The following UNC13C variants were observed in gnomAD, a reference collection of about 807,000 sequenced individuals.
UNC13C encodes unc-13 homolog C.
In UNC13C, 174 loss-of-function variants were observed where a neutral mutation model predicts 245.4. That is an observed-to-expected ratio of 0.71 (90% CI 0.63 to 0.80). The LOEUF (loss-of-function observed/expected upper bound fraction) is 0.80. Ranked by LOEUF, UNC13C falls within the 30% of genes least tolerant of loss-of-function variation. The pLI is 0.00. For missense variants in UNC13C, 2,829 were observed against 2,602.9 expected, an observed-to-expected ratio of 1.09 and a Z score of -1.89; for synonymous variants, 992 against 895.1, an observed-to-expected ratio of 1.11 and a Z score of -1.93.
intron 30 of UNC13C, among the ~76,000 whole-genome samples, chr15:54,590,363 T>C (rs1372888950): frequency 6.6e-6 from 1 of 152,224 alleles, no homozygotes; most frequent in Non-Finnish European, 1.5e-5. Flanking sequence ...ATTGTATTTG[T>C]AGATGGCTTT....
Position 54,507,154 on chromosome 15 carries a change from T to C in UNC13C, c.5339T>C (p.Val1780Ala). Residue 1780 changes from valine (V) to alanine (A), a missense_variant, in exon 23 of 33, where the codon GTA becomes GCA. Val to Ala is a moderately conservative substitution (Grantham distance 64). Transcript: ENST00000260323. ...NKVLLQYAAI[V>A]SSDFSSHCDK... ...GTGCTGCTCCAGTATGCTGCAATTG[T>C]ATCAAGTGATTTCAGTTCACATTGT... 1 of 1,599,886 alleles carries C rather than the reference T, an allele frequency of 6.3e-7. No homozygotes were observed.
the UNC13C span, among the ~76,000 whole-genome samples, chr15:53,958,135 A>C: frequency 6.6e-6 from 1 of 152,208 alleles, no homozygotes; most frequent in Admixed American, 6.5e-5. Flanking sequence ...AGAGAGCTGC[A>C]GATAATTTTA....
chr15:54,518,821 G>T (rs1030249346), intron 24 of UNC13C, among the ~76,000 whole-genome samples: 1 of 152,174 alleles, frequency 6.6e-6, no homozygotes, highest in Non-Finnish European at 1.5e-5. Flanking sequence ...GTCAGACAGA[G>T]TAGGTCAGGG....
the UNC13C span, among the ~76,000 whole-genome samples, chr15:53,910,340 A>G: frequency 1.3e-4 from 19 of 146,214 alleles, 1 homozygote; most frequent in East Asian, 3.0e-3. Flanking sequence ...AGGCCTGGGC[A>G]GATACCCAGG....
In UNC13C at chr15:54,048,375, A is replaced by G. The variant is rs114843264; in HGVS notation, c.2983+32489A>G. Among the ~76,000 whole-genome samples, 1,017 of 152,344 alleles carry G rather than the reference A, an allele frequency of 6.7e-3. 14 individuals carry two copies. Among genetic ancestry groups the G allele is most frequent in the African/African-American group, 0.024 (987 of 41,586 alleles). On this transcript the variant is annotated intron_variant, in intron 2 of 32. Transcript: ENST00000260323. ...TCTTTTGACAGTAAGCAACAACCGT[A>G]TCAACATGTGTTTTGTATTTTGCAG...
intron 32 of UNC13C, among the ~76,000 whole-genome samples, chr15:54,624,887 A>AATC (rs1300826227): frequency 6.6e-6 from 1 of 152,104 alleles, no homozygotes; most frequent in East Asian, 1.9e-4. Flanking sequence ...AAATTTGAGT[A>AATC]ATCATGGGAA....
intron 2 of UNC13C, among the ~76,000 whole-genome samples, chr15:54,040,766 A>G (rs923660540): frequency 1.3e-5 from 2 of 152,150 alleles, no homozygotes; most frequent in Non-Finnish European, 2.9e-5. Flanking sequence ...GAATATGCCT[A>G]TGGTACTAAC....
At chr15:54,154,704 G>A (rs2032667149) in intron 4 of UNC13C, among the ~76,000 whole-genome samples, 2 of 152,202 alleles carry the variant, frequency 1.3e-5, no homozygotes, top group South Asian at 4.1e-4. Context: ...GAACCATGCT[G>A]ACAGAGGCTT....
intron 4 of UNC13C, among the ~76,000 whole-genome samples, chr15:54,188,057 A>T (rs2034056481): frequency 6.6e-6 from 1 of 152,034 alleles, no homozygotes; most frequent in Admixed American, 6.6e-5. Context: ...ACCTCAAGTG[A>T]ACCACCCACT....
At chr15:54,331,437 A>G (rs2038433019) in intron 14 of UNC13C, among the ~76,000 whole-genome samples, 1 of 152,066 alleles carries the variant, frequency 6.6e-6, no homozygotes, top group African/African-American at 2.4e-5. Context: ...GAAGCAACAG[A>G]AGTTTTTTGG....
rs542621990 is a variant in UNC13C, at chr15:54,237,418, A to AT, written c.3157-200dup. Reference sequence around the variant, plus strand: ...CTATAAAATGTAGGGGTTGGGTTTGATGAGTTGTGGGATCGTTCCAGTTTT... The same window carrying AT: ...CTATAAAATGTAGGGGTTGGGTTTGATTGAGTTGTGGGATCGTTCCAGTTTT... On this transcript the variant is annotated intron_variant, in intron 6 of 32. Coordinates refer to ENST00000260323, the MANE Select transcript of UNC13C (RefSeq NM_001080534.3). The AT allele has an allele frequency of 2.0e-3, 1,364 of 670,820 alleles. 2 individuals carry two copies. Among genetic ancestry groups the AT allele is most frequent in the Non-Finnish European group, 3.1e-3 (1,150 of 367,630 alleles). The allele number at this position is 670,820 out of a possible 1,614,324, so 41.6% of individuals were successfully genotyped here.
chr15:54,629,034 C>A (rs1299844891), downstream of UNC13C: 1 of 152,136 alleles, frequency 6.6e-6, no homozygotes, highest in Non-Finnish European at 1.5e-5. Flanking sequence ...ATGGAACCAT[C>A]CTAAATGCCC....
In UNC13C at chr15:54,560,876, A is replaced by G. The variant is rs964215371; in HGVS notation, c.5958+5364A>G. 3.3e-5 allele frequency among the ~76,000 whole-genome samples: 5 copies of G among 152,116 alleles called. No individual in the cohort carries two copies. The South Asian group carries it at 1.0e-3, about 32-fold the overall frequency. ...TACATGAGTCATCACATACAAAGCA[A>G]TTAAAGCAGGCATATAGAAAACGCT... On this transcript the variant is annotated intron_variant, in intron 29 of 32. Transcript: ENST00000260323.
At chr15:54,361,418 T>G (rs73417720) in intron 17 of UNC13C, among the ~76,000 whole-genome samples, 13,430 of 152,246 alleles carry the variant, frequency 0.088, 660 homozygotes, top group Admixed American at 0.13. Context: ...GTTTTCTATC[T>G]ATATTTTCTT....
At chr15:54,056,336 G>C (rs961493905) in intron 2 of UNC13C, among the ~76,000 whole-genome samples, 3 of 152,126 alleles carry the variant, frequency 2.0e-5, no homozygotes, top group Non-Finnish European at 2.9e-5. Context: ...TAACCGATGC[G>C]ATCAACTGGA....
chr15:54,202,810 A>T (rs771506577), intron 4 of UNC13C, among the ~76,000 whole-genome samples: 19 of 151,926 alleles, frequency 1.3e-4, no homozygotes, highest in Non-Finnish European at 2.4e-4. Flanking sequence ...AACAAAGATA[A>T]ATAGATGGGA....
At chr15:53,956,985 A>G in the UNC13C span, among the ~76,000 whole-genome samples, 5 of 152,068 alleles carry the variant, frequency 3.3e-5, no homozygotes, top group Non-Finnish European at 7.4e-5. Context: ...TGTATCATAA[A>G]GTTCAAAACA....
At chr15:54,027,143 G>A (rs965851729) in intron 2 of UNC13C, among the ~76,000 whole-genome samples, 4 of 146,270 alleles carry the variant, frequency 2.7e-5, no homozygotes, top group Admixed American at 6.9e-5. Context: ...CTATAGGCAG[G>A]AAATGGTATG....
chr15:54,138,670 C>T (rs533498845), intron 2 of UNC13C, among the ~76,000 whole-genome samples: 5 of 151,910 alleles, frequency 3.3e-5, no homozygotes, highest in Non-Finnish European at 1.5e-5. Flanking sequence ...TGAAACAGTG[C>T]CAATCTTAAC....
Sources: gnomAD v4.1 joint callset for allele counts (sites outside exome capture counted in the v4.1 genomes callset) on GRCh38, gnomAD v4.1.1 for gene constraint, MANE v1.5 for transcripts, NCBI Gene and HGNC (gene_info 2026-07-23, HGNC 2026-07-21) for gene names.